Variants in MATN2 observed in about 807,000 individuals in gnomAD.
MATN2 encodes matrilin-2.
A neutral mutation model predicts 103.2 loss-of-function variants in MATN2; 69 were observed. The ratio of observed to expected loss-of-function variants is 0.67; its 90% confidence interval spans 0.55 to 0.82. The LOEUF (loss-of-function observed/expected upper bound fraction) is 0.82. Among genes scored for constraint, MATN2 ranks in the 40% least tolerant of loss-of-function variants. The probability of loss-of-function intolerance (pLI) is 0.00; values close to 1 mark genes in which losing one functional copy is unlikely to be tolerated. For missense variants in MATN2, 1,023 were observed against 1,211.5 expected (o/e 0.84, Z 2.31); for synonymous variants, 429 against 450.2 (o/e 0.95, Z 0.60).
chr8:97,906,006 A>G (rs1819157737), intron 2 of MATN2, among the ~76,000 whole-genome samples: 1 of 152,148 alleles, frequency 6.6e-6, no homozygotes, highest in African/African-American at 2.4e-5. Context: ...ATTAGCACAC[A>G]AGTATCTTCT....
chr8:97,879,597 G>A (rs1818190110), intron 1 of MATN2, among the ~76,000 whole-genome samples: 1 of 152,220 alleles, frequency 6.6e-6, no homozygotes, highest in African/African-American at 2.4e-5. Flanking sequence ...GCAGAGGTGG[G>A]AACACCAGAA....
chr8:97,930,662 G>T, intron 2 of MATN2: 1 of 293,454 alleles, frequency 3.4e-6, no homozygotes, highest in Non-Finnish European at 6.3e-6. Context: ...CACTCTTGTT[G>T]CCCAGGCTGG....
At chr8:97,905,623 G>A (rs1305828928) in intron 2 of MATN2, among the ~76,000 whole-genome samples, 1 of 152,088 alleles carries the variant, frequency 6.6e-6, no homozygotes, top group Admixed American at 6.6e-5. Flanking sequence ...GCCACAGGTT[G>A]TTTTCACCTT....
intron 2 of MATN2, among the ~76,000 whole-genome samples, chr8:97,890,066 A>T (rs373669410): frequency 3.0e-4 from 46 of 152,074 alleles, no homozygotes; most frequent in African/African-American, 1.1e-3. Flanking sequence ...ATGGGGCACA[A>T]CCTATCTTTC....
intron 6 of MATN2, among the ~76,000 whole-genome samples, chr8:97,992,061 G>A (rs1352630311): frequency 6.6e-6 from 1 of 152,156 alleles, no homozygotes; most frequent in Non-Finnish European, 1.5e-5. Context: ...AATATGGATG[G>A]TAGATTAAAT....
At position 98,027,823 on chromosome 8, in the gene MATN2, G is replaced by T; in HGVS notation, c.2350G>T (p.Ala784Ser). ...DVSEWASKAK[A>S]NGITMYAVGV... ...CTCCGAGTGGGCCAGTAAAGCCAAG[G>T]CCAATGGTAATATGGGGTGGAGGTG... The change falls in exon 14 of 19, where the codon GCC becomes TCC. Residue 784 changes from alanine (A) to serine (S), a missense_variant. By Grantham distance (99) the Ala-to-Ser change is moderately conservative. Coordinates refer to ENST00000254898, the MANE Select transcript of MATN2 (RefSeq NM_002380.5). 6.4e-7 allele frequency: 1 copy of T among 1,564,576 alleles called. No homozygotes were observed. Among genetic ancestry groups the T allele is most frequent in the South Asian group, 1.2e-5 (1 of 83,034 alleles).
rs1427787220 is a variant in MATN2, at chr8:98,003,776, C to G, written c.1320C>G (p.Thr440=). 6.2e-7 allele frequency: 1 copy of G among 1,613,848 alleles called. No individual in the cohort carries two copies. Residue 440 remains threonine, a synonymous_variant, in exon 8 of 19, where the codon ACC becomes ACG. Coordinates refer to ENST00000254898, the MANE Select transcript of MATN2 (RefSeq NM_002380.5). ...ACACTCTGGACCCCAATGGCAAAACCTGCAGCCGTGAGTGTACCCTAGGGG... is the reference window on the plus strand; with the variant it reads ...ACACTCTGGACCCCAATGGCAAAACGTGCAGCCGTGAGTGTACCCTAGGGG... ...RGYTLDPNGK[T]CSRVDHCAQQ...
chr8:98,005,299 T>C lies in MATN2; in HGVS notation c.1327+1516T>C, dbSNP rs902511095. Among the ~76,000 whole-genome samples, 6 of 152,134 alleles carry C rather than the reference T, an allele frequency of 3.9e-5. No homozygotes were observed. In the East Asian group the frequency reaches 7.7e-4, roughly 20 times the overall value. On this transcript the variant is annotated intron_variant, in intron 8 of 18. Coordinates refer to ENST00000254898, the MANE Select transcript of MATN2 (RefSeq NM_002380.5). This position sits in a 1 kb window ranked among gnomAD's most constrained non-coding sequence, Gnocchi z 4.6. ...TACGTTGCCTCTGCATGTCTCTGAGTCCTTTTGAGAGGCCAGCGGGGAGCG... is the reference window on the plus strand; with the variant it reads ...TACGTTGCCTCTGCATGTCTCTGAGCCCTTTTGAGAGGCCAGCGGGGAGCG...
intron 5 of MATN2, among the ~76,000 whole-genome samples, chr8:97,964,395 A>G (rs1379234918): frequency 6.6e-6 from 1 of 151,578 alleles, no homozygotes; most frequent in Non-Finnish European, 1.5e-5. Context: ...CAGAGTGATT[A>G]TGCCTCCCAG....
chr8:97,994,098 GAAGA>G (rs1410958854), intron 6 of MATN2, among the ~76,000 whole-genome samples: 2 of 144,028 alleles, frequency 1.4e-5, no homozygotes, highest in African/African-American at 5.2e-5. Flanking sequence ...AAGAAGAAAG[GAAGA>G]AAGGAAAGGA....
At chr8:98,003,509 C>G in intron 7 of MATN2, 152 bp from the exon 8 acceptor site, 1 of 745,802 alleles carries the variant, frequency 1.3e-6, no homozygotes, top group Admixed American at 2.8e-5. Flanking sequence ...ACTTGGCTGG[C>G]AGACAAACGA....
chr8:98,030,528 A>C lies in MATN2; in HGVS notation c.2423A>C (p.Glu808Ala). 6.8e-6 allele frequency: 11 copies of C among 1,613,964 alleles called. No individual in the cohort carries two copies. Among genetic ancestry groups the C allele is most frequent in the Non-Finnish European group, 9.3e-6 (11 of 1,179,850 alleles). Reference protein sequence around the residue: ...IEEELQEIASEPTNKHLFYAE... With the variant: ...IEEELQEIASAPTNKHLFYAE... ...GAGGAACTACAAGAGATTGCCTCTG[A>C]GCCCACAAACAAGCATCTCTTCTAT... Residue 808 changes from glutamate (E) to alanine (A), a missense_variant, in exon 15 of 19, where the codon GAG becomes GCG. Glu to Ala is a moderately radical substitution (Grantham distance 107, BLOSUM62 -1). Coordinates refer to ENST00000254898, the MANE Select transcript of MATN2 (RefSeq NM_002380.5).
intron 6 of MATN2, among the ~76,000 whole-genome samples, chr8:97,987,035 G>T (rs1045476355): frequency 1.6e-4 from 24 of 151,686 alleles, no homozygotes; most frequent in Non-Finnish European, 3.4e-4. Context: ...TAGAGACAGG[G>T]TTTCATCGTG....
At chr8:97,887,971 C>A in intron 1 of MATN2, 104 bp from the exon 2 acceptor site, 1 of 1,078,964 alleles carries the variant, frequency 9.3e-7, no homozygotes, top group Non-Finnish European at 1.3e-6. Context: ...TGCAAGTGGT[C>A]TGTTTGAACT....
chr8:98,028,809 G>A (rs889693139), intron 14 of MATN2, among the ~76,000 whole-genome samples: 2 of 152,080 alleles, frequency 1.3e-5, no homozygotes, highest in African/African-American at 2.4e-5. Flanking sequence ...GGATGGTCTC[G>A]ATCTCCTGAC....
At chr8:97,945,508 T>G (rs1435882812) in intron 4 of MATN2, among the ~76,000 whole-genome samples, 1 of 151,670 alleles carries the variant, frequency 6.6e-6, no homozygotes, top group Non-Finnish European at 1.5e-5. Context: ...GAAAACCTTC[T>G]CCAAGCCGGG....
chr8:97,876,314 C>T (rs368553574), intron 1 of MATN2, among the ~76,000 whole-genome samples: 192 of 152,010 alleles, frequency 1.3e-3, no homozygotes, highest in African/African-American at 4.3e-3. Flanking sequence ...CTCAGCCTCC[C>T]GAGTAGCTGG....
chr8:98,022,060 T>C (rs889209826), intron 13 of MATN2, among the ~76,000 whole-genome samples: 1 of 152,220 alleles, frequency 6.6e-6, no homozygotes, highest in African/African-American at 2.4e-5. Context: ...GGATATTTTA[T>C]ACAGCACTAT....
chr8:98,027,777 C>T lies in MATN2; in HGVS notation c.2304C>T (p.Asp768=), dbSNP rs377164086. The T allele has an allele frequency of 6.3e-5, 101 of 1,604,214 alleles. No homozygotes were observed. The highest frequency in any genetic ancestry group is 3.3e-4 in the Middle Eastern group (2 of 6,024). The stretch of plus-strand genomic sequence containing the variant: ...CCAGAGCAGCCATTGTGTTCACCGA[C>T]GGACGGGCTCAGGATGACGTCTCCG... ...RVPRAAIVFT[D]GRAQDDVSEW... Residue 768 remains aspartate, a synonymous_variant, in exon 14 of 19, where the codon GAC becomes GAT. Coordinates refer to ENST00000254898, the MANE Select transcript of MATN2 (RefSeq NM_002380.5).
Sources: gnomAD v4.1 joint callset for allele counts (sites outside exome capture counted in the v4.1 genomes callset) on GRCh38, gnomAD v4.1.1 for gene constraint, Gnocchi (gnomAD v3.1) non-coding constraint, MANE v1.5 for transcripts, NCBI Gene and HGNC (gene_info 2026-07-23, HGNC 2026-07-21) for gene names.